The following ATAD2 variants were observed in gnomAD, a reference collection of about 807,000 sequenced individuals.
The protein encoded by ATAD2 is ATPase family AAA domain containing 2.
A neutral mutation model predicts 168.9 loss-of-function variants in ATAD2; 62 were observed. The observed-to-expected ratio is 0.37, with a 90% CI of 0.30 to 0.45. The LOEUF is 0.45. ATAD2 is among the 20% of genes least tolerant of loss of function. The pLI, the probability that ATAD2 is intolerant of heterozygous loss-of-function variation, is 1.00. For missense variants in ATAD2, 1,419 were observed against 1,667.8 expected, an observed-to-expected ratio of 0.85 and a Z score of 2.60; for synonymous variants, 613 against 571.6, an observed-to-expected ratio of 1.07 and a Z score of -1.03.
chr8:123,377,960 C>T (rs118085531), intron 2 of ATAD2, among the ~76,000 whole-genome samples: 1,788 of 152,224 alleles, frequency 0.012, 7 homozygotes, highest in Admixed American at 0.019. Flanking sequence ...ATTTAGGGGT[C>T]CTAAAATGCT....
chr8:123,362,415 T>G (rs1462167742), intron 8 of ATAD2, among the ~76,000 whole-genome samples: 2 of 134,994 alleles, frequency 1.5e-5, no homozygotes, highest in Admixed American at 7.1e-5. Flanking sequence ...ATCAAATAAC[T>G]TTTTTTTTTT....
rs1191837019 is a variant in ATAD2 at position 123,328,492 on chromosome 8, T to C, written c.3566A>G (p.Asp1189Gly). 2 of 1,606,640 alleles carry C rather than the reference T, an allele frequency of 1.2e-6. No homozygotes were observed. The highest frequency in any genetic ancestry group is 4.5e-5 in the East Asian group (2 of 44,628). ...KRRKISQAKD[D>G]SQNAIDHKIE... Reference sequence around the variant, plus strand: ...TTTGTGATCTATGGCATTCTGGCTATCATCCTTTGCCTGTGAAATCTTCCT... The same window carrying C: ...TTTGTGATCTATGGCATTCTGGCTACCATCCTTTGCCTGTGAAATCTTCCT... Residue 1189 changes from aspartate to glycine, a missense_variant, in exon 25 of 28, where the codon GAT becomes GGT. Asp to Gly is a moderately conservative substitution (Grantham distance 94). Transcript: ENST00000287394.
Position 123,328,540 on chromosome 8 carries a change from T to C in ATAD2, c.3518A>G (p.Tyr1173Cys), listed in dbSNP as rs146666769. 2 of 1,564,026 alleles carry C rather than the reference T, an allele frequency of 1.3e-6. No individual in the cohort carries two copies. The highest frequency in any genetic ancestry group is 2.7e-5 in the African/African-American group (2 of 72,784). ...CCTTCGCTTTTTTATGGTGCCTAAGTACCAGTTTGACTTTTTGCGAATTTT... is the reference window on the plus strand; with the variant it reads ...CCTTCGCTTTTTTATGGTGCCTAAGCACCAGTTTGACTTTTTGCGAATTTT... ...KRKIRKKSNWYLGTIKKRRKI... is the reference protein window; with the variant it reads ...KRKIRKKSNWCLGTIKKRRKI... Residue 1173 changes from tyrosine to cysteine, a missense_variant, in exon 25 of 28, where the codon TAC (tyrosine) becomes TGC (cysteine). Physicochemically the swap from Tyr to Cys is radical, Grantham distance 194. Transcript: ENST00000287394.
intron 1 of ATAD2, among the ~76,000 whole-genome samples, chr8:123,389,960 T>TTATTTATATATA (rs1554647644): frequency 2.1e-5 from 2 of 94,060 alleles, no homozygotes; most frequent in Non-Finnish European, 4.2e-5. Flanking sequence ...TACTATTATT[T>TTATTTATATATA]TATATATATA....
chr8:123,340,813 G>A lies in ATAD2; in HGVS notation c.2719-1367C>T, dbSNP rs139655889. On this transcript the variant is annotated intron_variant, in intron 19 of 27. Transcript: ENST00000287394. Reference sequence around the variant, plus strand: ...GGGAAGATAGAAATGGGGAATTACCGTTAATAGGTACAGAGTTTCTGCTTG... The same window carrying A: ...GGGAAGATAGAAATGGGGAATTACCATTAATAGGTACAGAGTTTCTGCTTG... Among the ~76,000 whole-genome samples the A allele has an allele frequency of 8.5e-4, 130 of 152,270 alleles. 1 individual carries two copies. Among genetic ancestry groups the A allele is most frequent in the Middle Eastern group, 3.4e-3 (1 of 294 alleles).
chr8:123,408,851 G>A (rs1586915093), intron 1 of ATAD2, among the ~76,000 whole-genome samples: 2 of 142,378 alleles, frequency 1.4e-5, no homozygotes, highest in African/African-American at 5.2e-5. Flanking sequence ...TTTTTGAGAC[G>A]GAGTCTCGCT....
At chr8:123,389,133 A>ATTTT (rs71310669) in intron 1 of ATAD2, among the ~76,000 whole-genome samples, 1 of 129,578 alleles carries the variant, frequency 7.7e-6, no homozygotes, top group Non-Finnish European at 1.6e-5. Flanking sequence ...CGCCCGGCTA[A>ATTTT]TTTTTTTTTT....
chr8:123,344,253 T>C (rs907586477), intron 19 of ATAD2, among the ~76,000 whole-genome samples: 2 of 151,996 alleles, frequency 1.3e-5, no homozygotes, highest in Non-Finnish European at 2.9e-5. Context: ...AAAGAGACTT[T>C]AGCACTAACA....
At chr8:123,400,835 G>T, upstream of ATAD2, 2 of 1,301,944 alleles carry the variant, frequency 1.5e-6, no homozygotes, top group Non-Finnish European at 2.2e-6. The surrounding 1 kb of genome is among the most constrained non-coding windows in gnomAD (Gnocchi z 4.5). Flanking sequence ...CTGGTGGGAG[G>T]TATTGGTTTC....
chr8:123,379,707 T>G (rs1455657462), intron 2 of ATAD2, among the ~76,000 whole-genome samples: 2 of 144,814 alleles, frequency 1.4e-5, no homozygotes, highest in African/African-American at 5.1e-5. Flanking sequence ...GGACCTCAGG[T>G]GCATGCCACT....
chr8:123,391,739 AAGCCCCCAAATC>A (rs2071316026), intron 1 of ATAD2, among the ~76,000 whole-genome samples: 1 of 152,180 alleles, frequency 6.6e-6, no homozygotes, highest in Admixed American at 6.5e-5. Context: ...ATTGAATGTA[AAGCCCCCAAATC>A]AGAAAATATT....
At chr8:123,364,393 G>A (rs1446115157) in intron 8 of ATAD2, among the ~76,000 whole-genome samples, 1 of 152,108 alleles carries the variant, frequency 6.6e-6, no homozygotes, top group Non-Finnish European at 1.5e-5. Context: ...CCACAAGGTA[G>A]AGAAAGAGGG....
At chr8:123,396,077 A>C in intron 1 of ATAD2, 110 bp downstream of exon 1, 1 of 1,243,042 alleles carries the variant, frequency 8.0e-7, no homozygotes, top group Non-Finnish European at 1.1e-6. Flanking sequence ...TTCTCCCCCG[A>C]CAACTGTCAC....
In ATAD2 at chr8:123,345,039, T is replaced by C. The variant is rs1236280626; in HGVS notation, c.2563A>G (p.Ser855Gly). The C allele has an allele frequency of 6.2e-7, 1 of 1,612,554 alleles. No homozygotes were observed. Among genetic ancestry groups the C allele is most frequent in the Admixed American group, 1.7e-5 (1 of 59,992 alleles). Residue 855 changes from serine (S) to glycine (G), a missense_variant, in exon 19 of 28, where the codon AGT becomes GGT. Transcript: ENST00000287394. Reference sequence around the variant, plus strand: ...TGGATATGAGGAACATACACTATACTTGGTGCTGTTCTCTTAGCTTCACGA... The same window carrying C: ...TGGATATGAGGAACATACACTATACCTGGTGCTGTTCTCTTAGCTTCACGA... ...VIREAKRTAP[S>G]IVYVPHIHVW...
intron 27 of ATAD2, among the ~76,000 whole-genome samples, chr8:123,321,810 CTATAATCTCAGT>C (rs1233297599): frequency 1.3e-5 from 2 of 151,916 alleles, no homozygotes; most frequent in Non-Finnish European, 2.9e-5. Context: ...TGGTGCTTGC[CTATAATCTCAGT>C]TACTTGAGAA....
intron 1 of ATAD2, among the ~76,000 whole-genome samples, chr8:123,392,863 G>T (rs904597304): frequency 6.6e-6 from 1 of 152,170 alleles, no homozygotes; most frequent in Non-Finnish European, 1.5e-5. Flanking sequence ...AGGGTTTTAA[G>T]TGATCAACTG....
chr8:123,387,183 T>C (rs1241140048), intron 1 of ATAD2, among the ~76,000 whole-genome samples: 1 of 152,120 alleles, frequency 6.6e-6, no homozygotes, highest in Non-Finnish European at 1.5e-5. Context: ...GTTTTATAAG[T>C]TTTTTCTAGT....
chr8:123,367,395 C>T lies in ATAD2; in HGVS notation c.1049+1663G>A, dbSNP rs533595636. ...TCGCGCCACTGCACTCCAGCCTGGG[C>T]GAGAGAGTGAGATTTCCTCTTAAAC... On this transcript the variant is annotated intron_variant, in intron 8 of 27. Coordinates refer to ENST00000287394, the MANE Select transcript of ATAD2 (RefSeq NM_014109.4). 4.7e-4 allele frequency among the ~76,000 whole-genome samples: 72 copies of T among 152,178 alleles called. 2 individuals carry two copies. Among genetic ancestry groups the T allele is most frequent in the Admixed American group, 4.1e-3 (62 of 15,292 alleles).
At chr8:123,383,630 G>A (rs1169233047) in intron 1 of ATAD2, among the ~76,000 whole-genome samples, 1 of 152,130 alleles carries the variant, frequency 6.6e-6, no homozygotes, top group South Asian at 2.1e-4. Context: ...AAAATCAGCC[G>A]GGCGAGGTGG....
Sources: gnomAD v4.1 joint callset for allele counts (sites outside exome capture counted in the v4.1 genomes callset) on GRCh38, gnomAD v4.1.1 for gene constraint, Gnocchi (gnomAD v3.1) non-coding constraint, MANE v1.5 for transcripts, NCBI Gene and HGNC (gene_info 2026-07-23, HGNC 2026-07-21) for gene names.